CENPC: variants seen among roughly 807,000 people sequenced by gnomAD.
CENPC encodes the protein CENP-C 1.
CENPC carries 63 observed loss-of-function variants against 112.1 expected under a neutral mutation model. The ratio of observed to expected loss-of-function variants is 0.56; its 90% CI spans 0.46 to 0.69. The LOEUF is 0.69. CENPC is among the 30% of genes least tolerant of loss of function. The pLI, the probability that CENPC is intolerant of heterozygous loss-of-function variation, is 0.00. For synonymous variants in CENPC, 333 were observed against 367.6 expected (o/e 0.91, Z 1.08); for missense variants, 1,000 against 1,103.8 (o/e 0.91, Z 1.33).
intron 16 of CENPC, among the ~76,000 whole-genome samples, chr4:67,491,603 C>A (rs907673268): frequency 4.0e-5 from 6 of 149,568 alleles, no homozygotes; most frequent in African/African-American, 1.5e-4. Flanking sequence ...TCTTACATGA[C>A]CTGCTAGAGA....
chr4:67,474,680 A>G, intron 18 of CENPC: 1 of 461,180 alleles, frequency 2.2e-6, no homozygotes, highest in African/African-American at 2.1e-5. Context: ...CCTGGGTGAC[A>G]GAGCAAGACT....
At chr4:67,495,599 G>A (rs752521559) in intron 12 of CENPC, among the ~76,000 whole-genome samples, 1 of 151,980 alleles carries the variant, frequency 6.6e-6, no homozygotes, top group Non-Finnish European at 1.5e-5. Flanking sequence ...GACTGTATTC[G>A]CTCCCTTGGA....
chr4:67,537,326 G>A (rs1294313514), intron 4 of CENPC, among the ~76,000 whole-genome samples: 5 of 151,954 alleles, frequency 3.3e-5, no homozygotes, highest in South Asian at 4.2e-4. Flanking sequence ...AAATATACAC[G>A]CAATTTGTGT....
Position 67,544,056 on chromosome 4 carries a change from T to A in CENPC, c.65+93A>T, listed in dbSNP as rs945166127. ...ATCAGTGGGCACAGAAATCATTATATTAGTCAGAGGTGATAGTTTTTCCTT... is the reference window on the plus strand; with the variant it reads ...ATCAGTGGGCACAGAAATCATTATAATAGTCAGAGGTGATAGTTTTTCCTT... On this transcript the variant is annotated intron_variant, in intron 2 of 18. Transcript: ENST00000273853. 7 of 694,840 alleles carry A rather than the reference T, an allele frequency of 1.0e-5. No individual in the cohort carries two copies. The Admixed American group carries it at 1.3e-4, about 13-fold the overall frequency. 43.0% of individuals were successfully genotyped at this position (694,840 alleles called of 1,614,324 possible).
chr4:67,517,453 C>T (rs1188120819), intron 7 of CENPC, among the ~76,000 whole-genome samples: 3 of 151,742 alleles, frequency 2.0e-5, no homozygotes, highest in Admixed American at 1.3e-4. Context: ...TGAGCCACCG[C>T]GCCCAGCAAT....
At chr4:67,503,715 G>A (rs1022570879) in intron 12 of CENPC, among the ~76,000 whole-genome samples, 2 of 151,776 alleles carry the variant, frequency 1.3e-5, no homozygotes, top group Non-Finnish European at 2.9e-5. Flanking sequence ...ATCCATATCT[G>A]TATACAAATT....
At chr4:67,541,246 A>T (rs1726881498) in intron 2 of CENPC, among the ~76,000 whole-genome samples, 196 bp from the exon 3 acceptor site, 1 of 152,188 alleles carries the variant, frequency 6.6e-6, no homozygotes, top group South Asian at 2.1e-4. Flanking sequence ...AATAAGAATT[A>T]GTATATCATA....
chr4:67,523,932 T>C (rs1015782703), intron 5 of CENPC, among the ~76,000 whole-genome samples: 2 of 152,036 alleles, frequency 1.3e-5, no homozygotes, highest in East Asian at 3.9e-4. Flanking sequence ...AGAGCTTCTA[T>C]TAGCCAAATC....
intron 12 of CENPC, among the ~76,000 whole-genome samples, chr4:67,499,213 C>T (rs1437106184): frequency 6.6e-6 from 1 of 152,198 alleles, no homozygotes; most frequent in African/African-American, 2.4e-5. Context: ...AACTTAAAGT[C>T]ACCAGCTGTA....
intron 17 of CENPC, among the ~76,000 whole-genome samples, chr4:67,478,666 A>C (rs11931016): frequency 0.34 from 26,182 of 76,486 alleles, 2,790 homozygotes; most frequent in East Asian, 0.5. Context: ...ACACACACAC[A>C]CCCAAAGTAT....
At position 67,539,867 on chromosome 4, in the gene CENPC, G is replaced by A. The variant is rs776338213; in HGVS notation, c.204C>T (p.Asp68=). 4 of 1,534,464 alleles carry A rather than the reference G, an allele frequency of 2.6e-6. No individual in the cohort carries two copies. In the African/African-American group the frequency reaches 5.5e-5, roughly 21 times the overall value. ...CTTTGCTTGGTGACTGAATACAAGTGTCTTTTATTTTGCGTGTTGAATTAG... is the reference window on the plus strand; with the variant it reads ...CTTTGCTTGGTGACTGAATACAAGTATCTTTTATTTTGCGTGTTGAATTAG... ...SVPNSTRKIK[D]TCIQSPSKEC... Residue 68 remains aspartate, a synonymous_variant, in exon 4 of 19, where the codon GAC becomes GAT. Coordinates refer to ENST00000273853, the MANE Select transcript of CENPC (RefSeq NM_001812.4).
intron 17 of CENPC, among the ~76,000 whole-genome samples, chr4:67,482,453 C>T (rs1724981405): frequency 6.6e-6 from 1 of 152,172 alleles, no homozygotes; most frequent in Admixed American, 6.5e-5. Context: ...TGCACACGTA[C>T]ATTTATAGCA....
chr4:67,536,126 TAAC>T (rs1267517593), intron 4 of CENPC, among the ~76,000 whole-genome samples: 4 of 151,974 alleles, frequency 2.6e-5, no homozygotes, highest in Admixed American at 6.6e-5. Context: ...AAAATACCTG[TAAC>T]AACACAGATA....
intron 17 of CENPC, among the ~76,000 whole-genome samples, chr4:67,485,586 G>C (rs1292332655): frequency 1.3e-5 from 2 of 151,984 alleles, no homozygotes; most frequent in Non-Finnish European, 2.9e-5. Flanking sequence ...CAAAGTCTAT[G>C]GTATTCTTAT....
At chr4:67,529,003 T>C (rs1334038045) in intron 5 of CENPC, among the ~76,000 whole-genome samples, 1 of 152,202 alleles carries the variant, frequency 6.6e-6, no homozygotes, top group African/African-American at 2.4e-5. Flanking sequence ...TTTTAAATAA[T>C]AGCTAACCTA....
intron 3 of CENPC, 80 bp downstream of exon 3, chr4:67,540,900 G>T: frequency 1.0e-6 from 1 of 971,676 alleles, no homozygotes; most frequent in African/African-American, 1.7e-5. Context: ...CATATTTGCT[G>T]CATTTGATAT....
chr4:67,470,537 A>G lies in CENPC; in HGVS notation c.*2068T>C, dbSNP rs548159085. On this transcript the variant is annotated 3_prime_UTR_variant, in exon 19 of 19. Transcript: ENST00000273853. ...CAGTGAGCCGAGATCACACCATCGCACTCCAGCCCAGGCAACAAGAGTGAA... is the reference window on the plus strand; with the variant it reads ...CAGTGAGCCGAGATCACACCATCGCGCTCCAGCCCAGGCAACAAGAGTGAA... 2 of 140,194 alleles carry G rather than the reference A, an allele frequency of 1.4e-5. No homozygotes were observed. The highest frequency in any genetic ancestry group is 3.0e-5 in the Non-Finnish European group (2 of 66,412). The allele number at this position is 140,194 out of a possible 1,614,324, so 8.7% of individuals were successfully genotyped here.
chr4:67,522,217 C>T lies in CENPC; in HGVS notation c.332-2715G>A, dbSNP rs1307801249. ...TTAAAATACCTGACAACAGAAATAA[C>T]TAACAGTAGTATTTAAGTTGGGAAT... On this transcript the variant is annotated intron_variant, in intron 5 of 18. Coordinates refer to ENST00000273853, the MANE Select transcript of CENPC (RefSeq NM_001812.4). Among the ~76,000 whole-genome samples the T allele has an allele frequency of 2.0e-5, 3 of 152,172 alleles. No homozygotes were observed. The East Asian group carries it at 5.8e-4, about 29-fold the overall frequency.
At chr4:67,501,251 T>C (rs1725582754) in intron 12 of CENPC, among the ~76,000 whole-genome samples, 1 of 152,112 alleles carries the variant, frequency 6.6e-6, no homozygotes, top group Non-Finnish European at 1.5e-5. Flanking sequence ...GAGGTTACAA[T>C]GAGCTGAGAT....
Sources: allele counts gnomAD v4.1 joint callset (sites outside exome capture counted in the v4.1 genomes callset), GRCh38; gene constraint gnomAD v4.1.1; transcripts MANE v1.5; gene names NCBI Gene and HGNC (gene_info 2026-07-23, HGNC 2026-07-21).